Variants in KCNMA1 observed in about 807,000 individuals in gnomAD.
KCNMA1 encodes potassium calcium-activated channel subfamily M alpha 1.
Under a neutral mutation model 140.0 loss-of-function variants are expected in KCNMA1, and 29 were observed. That is an observed-to-expected ratio of 0.21 (90% CI 0.15 to 0.28). The LOEUF is 0.28. Among genes scored for constraint, KCNMA1 ranks in the 10% least tolerant of loss-of-function variants. The pLI, the probability that KCNMA1 is intolerant of heterozygous loss-of-function variation, is 1.00. For synonymous variants in KCNMA1, 612 were observed against 611.9 expected (o/e 1.00, Z 0.00); for missense variants, 880 against 1,602.2 (o/e 0.55, Z 7.70).
In KCNMA1 at chr10:77,340,926, G is replaced by A. The variant is rs534747475; in HGVS notation, c.540+62936C>T. 8.6e-5 allele frequency among the ~76,000 whole-genome samples: 13 copies of A among 151,572 alleles called. No individual in the cohort carries two copies. The South Asian group carries it at 2.7e-3, about 32-fold the overall frequency. ...AATCCTTACCCATCTGACTTCCCTGGAGTCTCTTTATAAACACATCTGTAC... is the reference window on the plus strand; with the variant it reads ...AATCCTTACCCATCTGACTTCCCTGAAGTCTCTTTATAAACACATCTGTAC... On this transcript the variant is annotated intron_variant, in intron 2 of 27. Transcript: ENST00000286628.
intron 3 of KCNMA1, among the ~76,000 whole-genome samples, chr10:77,233,875 C>T (rs1242290278): frequency 6.6e-6 from 1 of 152,168 alleles, no homozygotes; most frequent in Admixed American, 6.6e-5. Flanking sequence ...CAGTTAGCCC[C>T]ACTTTGTTCA....
intron 3 of KCNMA1, among the ~76,000 whole-genome samples, chr10:77,239,498 A>G (rs965655175): frequency 1.1e-4 from 17 of 152,198 alleles, no homozygotes; most frequent in Admixed American, 3.3e-4. Context: ...ACTGCATTCT[A>G]GTAGATTCCA....
chr10:76,884,831 C>A, downstream of KCNMA1: 2 of 1,139,260 alleles, frequency 1.8e-6, no homozygotes, highest in Non-Finnish European at 1.2e-6. Flanking sequence ...TAAATAAAAC[C>A]ACAAACAGAA....
At chr10:77,356,597 G>A (rs1166445932) in intron 2 of KCNMA1, among the ~76,000 whole-genome samples, 2 of 152,188 alleles carry the variant, frequency 1.3e-5, no homozygotes, top group African/African-American at 2.4e-5. Flanking sequence ...AAATCAAACA[G>A]GAAGAAATCA....
chr10:76,959,813 G>C (rs1387730418), intron 20 of KCNMA1, among the ~76,000 whole-genome samples: 1 of 152,210 alleles, frequency 6.6e-6, no homozygotes, highest in African/African-American at 2.4e-5. Flanking sequence ...CCAAATGTTG[G>C]TGCACTAAAA....
intron 2 of KCNMA1, among the ~76,000 whole-genome samples, chr10:77,273,744 T>C (rs1280652037): frequency 1.3e-5 from 2 of 152,060 alleles, no homozygotes; most frequent in East Asian, 1.9e-4. Context: ...TGGATAGAAT[T>C]TGGAGGGTGG....
intron 21 of KCNMA1, among the ~76,000 whole-genome samples, chr10:76,951,694 G>A (rs1304396759): frequency 6.6e-6 from 1 of 151,980 alleles, no homozygotes; most frequent in Non-Finnish European, 1.5e-5. Flanking sequence ...CTTTAGAGAG[G>A]GCTTCTTGGA....
intron 2 of KCNMA1, among the ~76,000 whole-genome samples, chr10:77,267,856 G>A (rs2063844770): frequency 6.6e-6 from 1 of 152,168 alleles, no homozygotes; most frequent in South Asian, 2.1e-4. Context: ...CATTTAAGTT[G>A]ACACAGGAGA....
intron 3 of KCNMA1, among the ~76,000 whole-genome samples, chr10:77,215,407 CTT>C (rs5786271): frequency 1.5e-3 from 201 of 132,868 alleles, no homozygotes; most frequent in Middle Eastern, 3.9e-3. Flanking sequence ...TTTATTTTTG[CTT>C]TTTTTTTTTT....
At chr10:77,065,550 T>C (rs1565874738) in intron 14 of KCNMA1, among the ~76,000 whole-genome samples, 2 of 152,158 alleles carry the variant, frequency 1.3e-5, no homozygotes, top group African/African-American at 4.8e-5. Context: ...ATAAGAAATA[T>C]ACCATATTCA....
intron 15 of KCNMA1, 123 bp from the exon 16 acceptor site, chr10:77,028,014 G>C: frequency 2.3e-6 from 2 of 866,602 alleles, no homozygotes; most frequent in East Asian, 5.1e-5. Flanking sequence ...TCATTCCACC[G>C]GCACTGTGCC....
At chr10:77,060,237 G>A (rs2095689192) in intron 14 of KCNMA1, among the ~76,000 whole-genome samples, 1 of 152,160 alleles carries the variant, frequency 6.6e-6, no homozygotes, top group African/African-American at 2.4e-5. Context: ...GAAAGACAAG[G>A]ACACTAGAAT....
intron 9 of KCNMA1, 137 bp from the exon 10 acceptor site, chr10:77,090,647 C>T (rs2096791506): frequency 1.5e-6 from 1 of 689,478 alleles, no homozygotes; most frequent in East Asian, 2.7e-5. Context: ...AAAAGCCCAG[C>T]TCCCATCCCC....
At chr10:77,173,315 G>T (rs1228240917) in intron 5 of KCNMA1, among the ~76,000 whole-genome samples, 2 of 152,114 alleles carry the variant, frequency 1.3e-5, no homozygotes, top group African/African-American at 4.8e-5. Flanking sequence ...CATGGACTTT[G>T]GAGGTAGATT....
intron 9 of KCNMA1, among the ~76,000 whole-genome samples, chr10:77,101,945 G>T (rs369532441): frequency 5.3e-4 from 80 of 152,346 alleles, no homozygotes; most frequent in African/African-American, 1.9e-3. Context: ...GGGAAATGGT[G>T]TTGTAGCAAG....
At chr10:77,566,022 G>A (rs940086713) in intron 1 of KCNMA1, among the ~76,000 whole-genome samples, 3 of 109,296 alleles carry the variant, frequency 2.7e-5, no homozygotes, top group East Asian at 2.6e-4. Context: ...AAATCTTCAT[G>A]TTTTTCTCTC....
chr10:77,036,101 G>A (rs192894927), intron 15 of KCNMA1, among the ~76,000 whole-genome samples: 1 of 152,328 alleles, frequency 6.6e-6, no homozygotes, highest in East Asian at 1.9e-4. Context: ...GACTTGTGAA[G>A]TCTTCCAGCC....
At chr10:77,242,410 T>C (rs2057494952) in intron 3 of KCNMA1, among the ~76,000 whole-genome samples, 1 of 152,156 alleles carries the variant, frequency 6.6e-6, no homozygotes, top group Non-Finnish European at 1.5e-5. Flanking sequence ...TCTTCTCTTG[T>C]GGACTCCTAG....
chr10:77,550,111 T>C (rs2062412194), intron 1 of KCNMA1, among the ~76,000 whole-genome samples: 1 of 152,164 alleles, frequency 6.6e-6, no homozygotes, highest in African/African-American at 2.4e-5. Context: ...AGCCAGGCAG[T>C]GATGCTCACA....
Sources: gnomAD v4.1 joint callset for allele counts (sites outside exome capture counted in the v4.1 genomes callset) on GRCh38, gnomAD v4.1.1 for gene constraint, MANE v1.5 for transcripts, NCBI Gene and HGNC (gene_info 2026-07-23, HGNC 2026-07-21) for gene names.